SREBF2: variants seen among roughly 807,000 people sequenced by gnomAD.
The protein encoded by SREBF2 is sterol regulatory element-binding protein 2.
Under a neutral mutation model 113.1 loss-of-function variants are expected in SREBF2, and 55 were observed. That is an observed-to-expected ratio of 0.49 (90% CI 0.39 to 0.61). The LOEUF (loss-of-function observed/expected upper bound fraction) is 0.61. SREBF2 is among the 20% of genes least tolerant of loss of function. SREBF2 has a pLI of 0.00. For missense variants in SREBF2, 1,349 were observed against 1,487.4 expected (o/e 0.91, Z 1.53); for synonymous variants, 593 against 605.7 (o/e 0.98, Z 0.31).
At chr22:41,843,602 T>A (rs983514243) in intron 1 of SREBF2, among the ~76,000 whole-genome samples, 1 of 152,220 alleles carries the variant, frequency 6.6e-6, no homozygotes, top group African/African-American at 2.4e-5. Context: ...CATGTATTTT[T>A]CCTCTGTCCC....
chr22:41,849,130 C>T (rs980650111), intron 1 of SREBF2, among the ~76,000 whole-genome samples: 3 of 152,104 alleles, frequency 2.0e-5, no homozygotes, highest in Admixed American at 6.6e-5. Flanking sequence ...TCCTCTTGTA[C>T]CATGTATCCC....
At chr22:41,898,173 C>G (rs1255917715) in intron 14 of SREBF2, among the ~76,000 whole-genome samples, 2 of 152,100 alleles carry the variant, frequency 1.3e-5, no homozygotes, top group African/African-American at 4.8e-5. Flanking sequence ...TGCAATGGCA[C>G]GATCTCGGCT....
intron 1 of SREBF2, among the ~76,000 whole-genome samples, chr22:41,858,925 C>T (rs1249055383): frequency 6.6e-6 from 1 of 152,054 alleles, no homozygotes; most frequent in Non-Finnish European, 1.5e-5. Context: ...GGGTGGATCA[C>T]GAGGTCAGGG....
intron 1 of SREBF2, among the ~76,000 whole-genome samples, chr22:41,851,208 TA>T (rs2076927036): frequency 6.6e-6 from 1 of 152,208 alleles, no homozygotes; most frequent in Non-Finnish European, 1.5e-5. Flanking sequence ...GTAAATAAAA[TA>T]TAAATATGCT....
intron 1 of SREBF2, 44 bp from the exon 2 acceptor site, chr22:41,866,787 C>A: frequency 6.2e-7 from 1 of 1,609,552 alleles, no homozygotes. Context: ...TGAAAGTTCA[C>A]TTTTTGGATA....
chr22:41,851,519 G>A (rs1445686930), intron 1 of SREBF2, among the ~76,000 whole-genome samples: 1 of 151,730 alleles, frequency 6.6e-6, no homozygotes, highest in Non-Finnish European at 1.5e-5. Flanking sequence ...TTGAGATGAA[G>A]TCTTGCTCTT....
chr22:41,901,036 C>T (rs932052701), intron 16 of SREBF2: 7 of 512,668 alleles, frequency 1.4e-5, no homozygotes, highest in Non-Finnish European at 2.4e-5. Context: ...CCTCGAGAGA[C>T]TGCCCTGACT....
At position 41,854,512 on chromosome 22, in the gene SREBF2, G is replaced by A. The variant is rs574495351; in HGVS notation, c.89-12319G>A. ...TGCTTGGTGCTTGAAGCGGTACAGGGAAAGGAACATTTTCTCCATGCACTC... is the reference window on the plus strand; with the variant it reads ...TGCTTGGTGCTTGAAGCGGTACAGGAAAAGGAACATTTTCTCCATGCACTC... On this transcript the variant is annotated intron_variant, in intron 1 of 18. Transcript: ENST00000361204. Among the ~76,000 whole-genome samples, 10 of 152,050 alleles carry A rather than the reference G, an allele frequency of 6.6e-5. No homozygotes were observed. The East Asian group carries it at 1.9e-3, about 29-fold the overall frequency.
chr22:41,848,684 C>T lies in SREBF2; in HGVS notation c.88+15326C>T, dbSNP rs143584681. ...TGGAGCAGGGTGCTTGAGAAAAGAG[C>T]ACAGGGCTTAGAGGAAGGAGTAAGG... is the stretch of plus-strand genomic sequence containing the variant. On this transcript the variant is annotated intron_variant, in intron 1 of 18. Transcript: ENST00000361204. Among the ~76,000 whole-genome samples the T allele has an allele frequency of 8.1e-3, 1,228 of 152,224 alleles. 12 individuals carry two copies. Among genetic ancestry groups the T allele is most frequent in the Admixed American group, 0.012 (179 of 15,278 alleles).
At chr22:41,870,206 C>T (rs960102964) in intron 3 of SREBF2, among the ~76,000 whole-genome samples, 1 of 152,154 alleles carries the variant, frequency 6.6e-6, no homozygotes, top group Non-Finnish European at 1.5e-5. Flanking sequence ...ATTATTTTTG[C>T]TTCTCAGCCA....
chr22:41,897,808 CCT>C (rs1725157010), intron 14 of SREBF2, among the ~76,000 whole-genome samples: 1 of 152,172 alleles, frequency 6.6e-6, no homozygotes, highest in African/African-American at 2.4e-5. Context: ...TGACCTGTGG[CCT>C]CTGTTTTCAA....
intron 3 of SREBF2, among the ~76,000 whole-genome samples, chr22:41,869,002 G>A (rs536440370): frequency 2.6e-5 from 4 of 152,390 alleles, no homozygotes; most frequent in Admixed American, 6.5e-5. Context: ...GGCTGGTGCA[G>A]TCACTTACGT....
intron 15 of SREBF2, chr22:41,899,418 G>A: frequency 1.0e-6 from 1 of 1,002,638 alleles, no homozygotes; most frequent in Non-Finnish European, 1.2e-6. Flanking sequence ...TTTCTAATTG[G>A]ATCTGAGTAT....
intron 1 of SREBF2, among the ~76,000 whole-genome samples, chr22:41,839,983 G>A (rs1340454236): frequency 1.7e-4 from 22 of 127,246 alleles, no homozygotes; most frequent in Non-Finnish European, 1.4e-4. Context: ...TTTTTGAGAC[G>A]GAGTCTCACT....
intron 1 of SREBF2, among the ~76,000 whole-genome samples, chr22:41,865,831 G>T (rs980402133): frequency 3.8e-4 from 58 of 152,196 alleles, no homozygotes; most frequent in African/African-American, 1.3e-3. Flanking sequence ...CAGAGAACTG[G>T]TTCTAATCCT....
intron 16 of SREBF2, 48 bp downstream of exon 16, chr22:41,900,546 T>G (rs2077456933): frequency 6.3e-7 from 1 of 1,585,280 alleles, no homozygotes; most frequent in Admixed American, 1.7e-5. Context: ...CTGCACTGGT[T>G]TACGAGAACA....
intron 1 of SREBF2, among the ~76,000 whole-genome samples, chr22:41,838,223 A>G (rs996722866): frequency 6.6e-6 from 1 of 152,168 alleles, no homozygotes; most frequent in Admixed American, 6.5e-5. Flanking sequence ...CAGCCTGACA[A>G]GTATGTGGGA....
Position 41,894,910 on chromosome 22 carries a change from A to C in SREBF2, c.2468A>C (p.Lys823Thr), listed in dbSNP as rs1411799339. 1.2e-6 allele frequency: 2 copies of C among 1,613,916 alleles called. No homozygotes were observed. Among genetic ancestry groups the C allele is most frequent in the South Asian group, 1.1e-5 (1 of 91,084 alleles). ...ESLVKPQAKK[K>T]AGDQEEESCE... ...TTGGTGAAACCTCAGGCCAAGAAGA[A>C]GGCTGGAGACCAGGAAGAAGAGAGC... The change falls in exon 13 of 19, where the codon AAG becomes ACG. Residue 823 changes from lysine (K) to threonine (T), a missense_variant. Coordinates refer to ENST00000361204, the MANE Select transcript of SREBF2 (RefSeq NM_004599.4).
chr22:41,905,783 G>C lies in SREBF2; in HGVS notation c.*123G>C. The C allele has an allele frequency of 9.0e-7, 1 of 1,116,374 alleles. No individual in the cohort carries two copies. Among genetic ancestry groups the C allele is most frequent in the Non-Finnish European group, 1.3e-6 (1 of 752,542 alleles). 69.2% of individuals were successfully genotyped at this position (1,116,374 alleles called of 1,614,324 possible). A position where few individuals can be genotyped will look rare whatever the true frequency, so the allele number is the denominator to read the frequency against. On this transcript the variant is annotated 3_prime_UTR_variant, in exon 19 of 19. Transcript: ENST00000361204. ...TTAGCTGTCACCTGCCGAGGCTTCT[G>C]GGCCACTCAGGCCAGTGCACCCCTG...
Sources: allele counts gnomAD v4.1 joint callset (sites outside exome capture counted in the v4.1 genomes callset), GRCh38; gene constraint gnomAD v4.1.1; transcripts MANE v1.5; gene names NCBI Gene and HGNC (gene_info 2026-07-23, HGNC 2026-07-21).